The following FER variants were observed in gnomAD, a reference collection of about 807,000 sequenced individuals.
FER encodes FER tyrosine kinase.
FER carries 63 observed loss-of-function variants against 111.0 expected under a neutral mutation model. The ratio of observed to expected loss-of-function variants is 0.57; its 90% CI spans 0.46 to 0.70. The LOEUF (loss-of-function observed/expected upper bound fraction) is 0.70, where lower values mean the gene tolerates loss of function less well. FER is among the 30% of genes least tolerant of loss of function. The pLI is 0.00. For synonymous variants in FER, 327 were observed against 313.9 expected (o/e 1.04, Z -0.44); for missense variants, 914 against 954.0 (o/e 0.96, Z 0.55).
At chr5:108,862,094 G>A (rs1763579461) in intron 5 of FER, among the ~76,000 whole-genome samples, 1 of 152,018 alleles carries the variant, frequency 6.6e-6, no homozygotes, top group South Asian at 2.1e-4. Flanking sequence ...CCTGAAATCT[G>A]GTTTTAAACC....
intron 17 of FER, among the ~76,000 whole-genome samples, chr5:109,132,370 C>T (rs1320893174): frequency 6.6e-6 from 1 of 152,096 alleles, no homozygotes; most frequent in Non-Finnish European, 1.5e-5. Context: ...TGAGTGCTTA[C>T]TATGTGGCAG....
At chr5:109,043,650 C>A (rs558789730) in intron 14 of FER, among the ~76,000 whole-genome samples, 113 of 152,210 alleles carry the variant, frequency 7.4e-4, no homozygotes, top group African/African-American at 2.6e-3. Context: ...TTACTTCTTG[C>A]TCAACAATAG....
intron 5 of FER, among the ~76,000 whole-genome samples, chr5:108,839,354 G>C (rs1432761263): frequency 6.6e-6 from 1 of 152,122 alleles, no homozygotes; most frequent in African/African-American, 2.4e-5. Flanking sequence ...CAAATCAAAA[G>C]TTAAAAGGAA....
Position 108,943,090 on chromosome 5 carries a change from T to C in FER, c.1237-3040T>C, listed in dbSNP as rs536859175. Among the ~76,000 whole-genome samples, 11 of 152,222 alleles carry C rather than the reference T, an allele frequency of 7.2e-5. No homozygotes were observed. In the South Asian group the frequency reaches 2.3e-3, roughly 32 times the overall value. ...CCGTTATTAACAACAACAGTAAAGG[T>C]CTTCCTTTCACGATAGTTCAGCCTT... On this transcript the variant is annotated intron_variant, in intron 10 of 19. Transcript: ENST00000281092.
intron 17 of FER, among the ~76,000 whole-genome samples, chr5:109,117,983 A>G (rs10477948): frequency 0.19 from 28,925 of 151,810 alleles, 2,911 homozygotes; most frequent in Non-Finnish European, 0.22. Flanking sequence ...CTCTTTTCCT[A>G]ATTGAATGCC....
At chr5:108,936,662 G>A (rs903131583) in intron 10 of FER, among the ~76,000 whole-genome samples, 2 of 151,888 alleles carry the variant, frequency 1.3e-5, no homozygotes, top group Non-Finnish European at 2.9e-5. Flanking sequence ...CCCTGGAGGT[G>A]TTATTTATAA....
At chr5:109,030,901 T>C (rs914752169) in intron 13 of FER, among the ~76,000 whole-genome samples, 2 of 152,122 alleles carry the variant, frequency 1.3e-5, no homozygotes, top group Non-Finnish European at 2.9e-5. Context: ...TTGTTATTTC[T>C]CAGTTGGGAA....
intron 17 of FER, among the ~76,000 whole-genome samples, chr5:109,145,324 C>T (rs1753966745): frequency 6.6e-6 from 1 of 152,038 alleles, no homozygotes; most frequent in African/African-American, 2.4e-5. Context: ...TTGAAATCTC[C>T]AGACTTCAAA....
At chr5:108,954,578 C>T (rs1309911332) in intron 11 of FER, 151 bp from the exon 12 acceptor site, 1 of 585,562 alleles carries the variant, frequency 1.7e-6, no homozygotes, top group African/African-American at 1.9e-5. Flanking sequence ...ACCAGTACTT[C>T]AAAAGATATT....
intron 9 of FER, among the ~76,000 whole-genome samples, chr5:108,885,210 G>A (rs544839683): frequency 3.9e-5 from 6 of 151,954 alleles, no homozygotes; most frequent in African/African-American, 1.4e-4. Context: ...CTTTTTGAAT[G>A]TCTTAGAAGT....
chr5:108,871,971 AT>A, intron 7 of FER, 121 bp from the exon 8 acceptor site: 1 of 992,360 alleles, frequency 1.0e-6, no homozygotes, highest in Non-Finnish European at 1.4e-6. Context: ...GATTTATACT[AT>A]TTGTGTTTTC....
rs1580432815 is a variant in FER at position 108,768,949 on chromosome 5, C to T, written c.-60+711C>T. ...AAGCGATTCTCCTGCCTCAGCCTCC[C>T]AAGTAGCTGGGATTACAGGAGCTCA... is the stretch of plus-strand genomic sequence containing the variant. On this transcript the variant is annotated intron_variant, in intron 2 of 19. Transcript: ENST00000281092. Among the ~76,000 whole-genome samples, 3 of 152,118 alleles carry T rather than the reference C, an allele frequency of 2.0e-5. No individual in the cohort carries two copies. The East Asian group carries it at 5.8e-4, about 29-fold the overall frequency.
intron 3 of FER, among the ~76,000 whole-genome samples, chr5:108,799,596 C>G (rs73780577): frequency 0.017 from 2,584 of 152,232 alleles, 76 homozygotes; most frequent in African/African-American, 0.06. Context: ...GTATTTAGGA[C>G]AAACATACAT....
At chr5:108,972,977 A>G (rs1208758551) in intron 13 of FER, among the ~76,000 whole-genome samples, 1 of 152,186 alleles carries the variant, frequency 6.6e-6, no homozygotes, top group African/African-American at 2.4e-5. Flanking sequence ...ACAGATAGAA[A>G]ACATTTCTGG....
intron 5 of FER, among the ~76,000 whole-genome samples, chr5:108,845,067 T>TATATATATATATATATATAC (rs1486282738): frequency 1.9e-4 from 10 of 53,860 alleles, no homozygotes; most frequent in South Asian, 7.8e-4. Context: ...TATATATATA[T>TATATATATATATATATATAC]ACACACACAC....
intron 16 of FER, among the ~76,000 whole-genome samples, chr5:109,099,779 T>C (rs1420541365): frequency 6.6e-6 from 1 of 151,576 alleles, no homozygotes; most frequent in African/African-American, 2.4e-5. Context: ...ACCATAAAGG[T>C]TTAAGAAGGT....
chr5:108,958,603 G>T lies in FER; in HGVS notation c.1534-622G>T, dbSNP rs142282938. Among the ~76,000 whole-genome samples, 262 of 151,864 alleles carry T rather than the reference G, an allele frequency of 1.7e-3. 1 individual carries two copies. The highest frequency in any genetic ancestry group is 5.9e-3 in the African/African-American group (246 of 41,530). On this transcript the variant is annotated intron_variant, in intron 12 of 19. Coordinates refer to ENST00000281092, the MANE Select transcript of FER (RefSeq NM_005246.4). The stretch of plus-strand genomic sequence containing the variant: ...AATTAAAAAATGCTAAGATTTGAGC[G>T]TGTTGATATCTACAGTTTTGTCACT...
intron 16 of FER, among the ~76,000 whole-genome samples, chr5:109,050,483 G>A (rs1449704559): frequency 2.6e-5 from 4 of 152,160 alleles, no homozygotes; most frequent in Admixed American, 1.3e-4. Flanking sequence ...ACATACAAGT[G>A]ACTGTTAAAT....
intron 10 of FER, among the ~76,000 whole-genome samples, chr5:108,906,969 G>A (rs920966466): frequency 2.0e-5 from 3 of 152,000 alleles, no homozygotes; most frequent in African/African-American, 7.2e-5. Context: ...GGTGTAGGGT[G>A]GAAAAAATTG....
Sources: allele counts gnomAD v4.1 joint callset (sites outside exome capture counted in the v4.1 genomes callset), GRCh38; gene constraint gnomAD v4.1.1; transcripts MANE v1.5; gene names NCBI Gene and HGNC (gene_info 2026-07-23, HGNC 2026-07-21).